ATXN2: variants seen among roughly 807,000 people sequenced by gnomAD.
ATXN2 encodes the protein ataxin 2.
ATXN2 carries 37 observed loss-of-function variants against 138.6 expected under a neutral mutation model. That is an observed-to-expected ratio of 0.27 (90% confidence interval 0.21 to 0.35). The LOEUF is 0.35. Ranked by LOEUF, ATXN2 falls within the 10% of genes least tolerant of loss-of-function variation. The probability of loss-of-function intolerance (pLI) is 1.00; values close to 1 mark genes in which losing one functional copy is unlikely to be tolerated. For missense variants in ATXN2, 1,216 were observed against 1,480.3 expected, an observed-to-expected ratio of 0.82 and a Z score of 2.93; for synonymous variants, 549 against 543.7, an observed-to-expected ratio of 1.01 and a Z score of -0.13.
intron 5 of ATXN2, among the ~76,000 whole-genome samples, chr12:111,544,054 G>A (rs763596225): frequency 2.6e-5 from 4 of 151,848 alleles, no homozygotes; most frequent in Non-Finnish European, 4.4e-5. Flanking sequence ...TCCAGCCTGA[G>A]TGACAGAGCA....
At chr12:111,572,398 T>C (rs1405633938) in intron 1 of ATXN2, among the ~76,000 whole-genome samples, 2 of 143,000 alleles carry the variant, frequency 1.4e-5, no homozygotes, top group Non-Finnish European at 3.1e-5. Flanking sequence ...CAAAACTCCA[T>C]CTCAAAAAAA....
At chr12:111,531,945 TAAA>T (rs1054653072) in intron 5 of ATXN2, among the ~76,000 whole-genome samples, 1 of 152,108 alleles carries the variant, frequency 6.6e-6, no homozygotes, top group Non-Finnish European at 1.5e-5. Flanking sequence ...TATCAAAAAC[TAAA>T]AAAATCTGTT....
rs146203165 is a variant in ATXN2, at chr12:111,456,076, C to T, written c.3223G>A (p.Val1075Ile). 7.3e-5 allele frequency: 118 copies of T among 1,614,134 alleles called. No individual in the cohort carries two copies. The African/African-American group carries it at 1.3e-3, about 18-fold the overall frequency. The change falls in exon 23 of 25, where the codon GTT (valine) becomes ATT (isoleucine). Residue 1075 changes from valine (V) to isoleucine (I), a missense_variant. Val to Ile is a conservative substitution (Grantham distance 29). This residue lies in a region of ATXN2 where 490 missense variants were observed against 653.5 expected (regional missense o/e 0.75). Coordinates refer to ENST00000673436, the MANE Select transcript of ATXN2 (RefSeq NM_001372574.1). ...QTVFTIHPSHVQPAYTNPPHM... is the reference protein window; with the variant it reads ...QTVFTIHPSHIQPAYTNPPHM... ...GGTGGGTTGGTATACGCCGGCTGAA[C>T]GTGAGAAGGATGGATCGTAAAGACA...
At chr12:111,524,982 C>G (rs577181749) in intron 6 of ATXN2, among the ~76,000 whole-genome samples, 53 of 152,338 alleles carry the variant, frequency 3.5e-4, no homozygotes, top group African/African-American at 1.1e-3. Context: ...CAAGAACAGA[C>G]AGTACTCCTG....
At chr12:111,581,675 G>C in intron 1 of ATXN2, 1 of 699,840 alleles carries the variant, frequency 1.4e-6, no homozygotes, top group Non-Finnish European at 2.7e-6. Flanking sequence ...CCAGGCCTAT[G>C]CCTTTACCGC....
At chr12:111,588,991 C>CAAAAAAAAAAAAAAAAAAAA (rs58116265) in intron 1 of ATXN2, among the ~76,000 whole-genome samples, 3 of 38,708 alleles carry the variant, frequency 7.8e-5, no homozygotes, top group East Asian at 3.7e-3. Flanking sequence ...CGAGATTTCT[C>CAAAAAAAAAAAAAAAAAAAA]AAAAAAAAAA....
chr12:111,471,044 G>A, intron 18 of ATXN2: 1 of 316,562 alleles, frequency 3.2e-6, no homozygotes, highest in South Asian at 5.3e-5. Context: ...TCAAGTCCCT[G>A]TAACAGACTC....
At position 111,598,187 on chromosome 12, in the gene ATXN2, C is replaced by T; in HGVS notation, c.251+597G>A. 9.4e-7 allele frequency: 1 copy of T among 1,061,442 alleles called. No homozygotes were observed. The highest frequency in any genetic ancestry group is 1.1e-6 in the Non-Finnish European group (1 of 873,148). The allele number at this position is 1,061,442 out of a possible 1,614,324, so 65.8% of individuals were successfully genotyped here. A position where few individuals can be genotyped will look rare whatever the true frequency, so the allele number is the denominator to read the frequency against. On this transcript the variant is annotated intron_variant, in intron 1 of 24. Transcript: ENST00000673436. This position sits in a 1 kb window ranked among gnomAD's most constrained non-coding sequence, Gnocchi z 4.5. The stretch of plus-strand genomic sequence containing the variant: ...GGGCCAAGGCCCACTTGTCTCCACC[C>T]CGTCCTCCGATCTTTCCCAGGACTC...
chr12:111,515,310 C>T (rs772584723), intron 10 of ATXN2, among the ~76,000 whole-genome samples: 12 of 152,092 alleles, frequency 7.9e-5, no homozygotes, highest in Non-Finnish European at 1.6e-4. Flanking sequence ...AATTTTAACA[C>T]AAATATTCAG....
chr12:111,514,745 C>A (rs1479225573), intron 10 of ATXN2, among the ~76,000 whole-genome samples: 2 of 152,232 alleles, frequency 1.3e-5, no homozygotes, highest in African/African-American at 4.8e-5. Context: ...GCCTCAGCCT[C>A]CCAAAGTGCT....
intron 14 of ATXN2, among the ~76,000 whole-genome samples, chr12:111,507,739 G>C (rs1449637517): frequency 6.6e-6 from 1 of 152,266 alleles, no homozygotes; most frequent in East Asian, 1.9e-4. Flanking sequence ...GTGGGGAAAA[G>C]ATTGAGAAAT....
chr12:111,509,509 T>C (rs759819617), intron 14 of ATXN2, 40 bp downstream of exon 14: 16 of 1,170,432 alleles, frequency 1.4e-5, no homozygotes, highest in Non-Finnish European at 2.0e-5. Context: ...GTAATGCTTA[T>C]TTTCTAAAAC....
At chr12:111,580,460 C>T (rs1285152660) in intron 1 of ATXN2, among the ~76,000 whole-genome samples, 2 of 150,018 alleles carry the variant, frequency 1.3e-5, no homozygotes, top group Non-Finnish European at 1.5e-5. Flanking sequence ...AAGCTATGAT[C>T]GTGCCACTAC....
intron 2 of ATXN2, among the ~76,000 whole-genome samples, chr12:111,555,576 G>T (rs952167013): frequency 6.6e-6 from 1 of 152,216 alleles, no homozygotes; most frequent in African/African-American, 2.4e-5. Context: ...CACCATGATT[G>T]TAAGTTTCCT....
intron 5 of ATXN2, among the ~76,000 whole-genome samples, chr12:111,550,322 G>A (rs917076209): frequency 1.3e-5 from 2 of 152,072 alleles, no homozygotes; most frequent in African/African-American, 4.8e-5. Flanking sequence ...AGAGGAGCAA[G>A]GAATGGACTA....
In ATXN2 at chr12:111,464,252, G is replaced by C. The variant is rs1875811096; in HGVS notation, c.2896+410C>G. Among the ~76,000 whole-genome samples the C allele has an allele frequency of 2.7e-5, 4 of 146,624 alleles. 1 individual carries two copies. In the South Asian group the frequency reaches 8.7e-4, roughly 32 times the overall value. ...ATACCAAGCTTGTGGCTTGGGGTGT[G>C]TGTGTGTGTGTGTGTGTGTGTGTGT... On this transcript the variant is annotated intron_variant, in intron 21 of 24. Transcript: ENST00000673436.
At chr12:111,529,483 T>C (rs768813341) in intron 5 of ATXN2, among the ~76,000 whole-genome samples, 3 of 152,246 alleles carry the variant, frequency 2.0e-5, no homozygotes, top group African/African-American at 4.8e-5. Flanking sequence ...TAGCAGGCGA[T>C]GTTGGAGGAA....
intron 1 of ATXN2, chr12:111,597,987 G>A: frequency 8.2e-7 from 1 of 1,213,282 alleles, no homozygotes; most frequent in Non-Finnish European, 1.1e-6. Context: ...CCGCGCGCCG[G>A]AGAGGTCTGG....
rs190288583 is a variant in ATXN2, at chr12:111,592,370, G to A, written c.251+6414C>T. Among the ~76,000 whole-genome samples, 1,180 of 152,044 alleles carry A rather than the reference G, an allele frequency of 7.8e-3. 4 individuals are homozygous for A. The highest frequency in any genetic ancestry group is 0.01 in the Non-Finnish European group (681 of 67,998). ...CACGCCACTGCACTCCAGCCTGGGCGACAGAGACTCTGTCTCAAAAACAAA... is the reference window on the plus strand; with the variant it reads ...CACGCCACTGCACTCCAGCCTGGGCAACAGAGACTCTGTCTCAAAAACAAA... On this transcript the variant is annotated intron_variant, in intron 1 of 24. Coordinates refer to ENST00000673436, the MANE Select transcript of ATXN2 (RefSeq NM_001372574.1).
Sources: gnomAD v4.1 joint callset for allele counts (sites outside exome capture counted in the v4.1 genomes callset) on GRCh38, gnomAD v4.1.1 for gene constraint, gnomAD v4.1.1 regional missense constraint, Gnocchi (gnomAD v3.1) non-coding constraint, MANE v1.5 for transcripts, NCBI Gene and HGNC (gene_info 2026-07-23, HGNC 2026-07-21) for gene names.